The following CDC14A variants were observed in gnomAD, a reference collection of about 807,000 sequenced individuals.
CDC14A encodes dual specificity protein phosphatase CDC14A.
Under a neutral mutation model 74.4 loss-of-function variants are expected in CDC14A, and 53 were observed. The observed-to-expected ratio is 0.71, with a 90% CI of 0.57 to 0.89. CDC14A has a LOEUF of 0.89. Among genes scored for constraint, CDC14A ranks in the 40% least tolerant of loss-of-function variants. The pLI, the probability that CDC14A is intolerant of heterozygous loss-of-function variation, is 0.00. For missense variants in CDC14A, 646 were observed against 713.7 expected (o/e 0.91, Z 1.08); for synonymous variants, 247 against 258.4 (o/e 0.96, Z 0.43).
intron 10 of CDC14A, among the ~76,000 whole-genome samples, chr1:100,475,743 G>GT (rs988388971): frequency 2.6e-5 from 4 of 152,132 alleles, no homozygotes; most frequent in African/African-American, 9.7e-5. Flanking sequence ...ACTGAAGGGT[G>GT]TTGGTGAAAG....
At chr1:100,496,694 G>A (rs1031877475) in intron 13 of CDC14A, among the ~76,000 whole-genome samples, 2 of 152,188 alleles carry the variant, frequency 1.3e-5, no homozygotes, top group African/African-American at 4.8e-5. Flanking sequence ...GAGGGCTTAA[G>A]CATCTGGAGC....
At chr1:100,482,828 A>C (rs1038098316) in intron 10 of CDC14A, among the ~76,000 whole-genome samples, 1 of 151,862 alleles carries the variant, frequency 6.6e-6, no homozygotes, top group South Asian at 2.1e-4. Context: ...ATAGATATCT[A>C]TATATATATT....
At position 100,412,145 on chromosome 1, in the gene CDC14A, T is replaced by C. The variant is rs542585324; in HGVS notation, c.310-12077T>C. Among the ~76,000 whole-genome samples, 6 of 152,304 alleles carry C rather than the reference T, an allele frequency of 3.9e-5. No homozygotes were observed. In the East Asian group the frequency reaches 9.7e-4, roughly 25 times the overall value. The stretch of plus-strand genomic sequence containing the variant: ...CTGTGGGTCTCTTAGGGAGCTGAAA[T>C]GACCTGACGTACACTTAAAAACACT... On this transcript the variant is annotated intron_variant, in intron 4 of 15. Transcript: ENST00000336454.
chr1:100,396,224 C>G (rs1658455804), intron 4 of CDC14A, among the ~76,000 whole-genome samples: 1 of 152,112 alleles, frequency 6.6e-6, no homozygotes, highest in Non-Finnish European at 1.5e-5. Context: ...TTTGCTGAAT[C>G]TTGGGGAAGT....
intron 4 of CDC14A, among the ~76,000 whole-genome samples, chr1:100,395,217 T>TCCTTA (rs956086969): frequency 3.3e-5 from 5 of 152,214 alleles, no homozygotes; most frequent in Non-Finnish European, 5.9e-5. Flanking sequence ...TACCTGAGTT[T>TCCTTA]CCTTATCTGC....
chr1:100,392,381 G>A (rs1041087691), intron 4 of CDC14A, among the ~76,000 whole-genome samples: 2 of 151,962 alleles, frequency 1.3e-5, no homozygotes, highest in African/African-American at 4.8e-5. Context: ...TGCTTTGTAA[G>A]CGTGTTATTT....
chr1:100,479,154 T>C (rs778893348), intron 10 of CDC14A, among the ~76,000 whole-genome samples: 1 of 152,204 alleles, frequency 6.6e-6, no homozygotes, highest in Non-Finnish European at 1.5e-5. Context: ...ATTTCAGGAA[T>C]TAGCAAAAAT....
At chr1:100,434,822 A>G (rs1664133114) in intron 5 of CDC14A, among the ~76,000 whole-genome samples, 1 of 152,154 alleles carries the variant, frequency 6.6e-6, no homozygotes, top group Admixed American at 6.5e-5. Flanking sequence ...CGGAAATGCC[A>G]TGTAGGTGGT....
At chr1:100,394,942 T>G (rs1456008047) in intron 4 of CDC14A, among the ~76,000 whole-genome samples, 1 of 152,264 alleles carries the variant, frequency 6.6e-6, no homozygotes, top group Non-Finnish European at 1.5e-5. Flanking sequence ...TGTTGCTAGT[T>G]GGATAAGTGT....
At chr1:100,393,584 G>T (rs1395940989) in intron 4 of CDC14A, 7 of 715,476 alleles carry the variant, frequency 9.8e-6, no homozygotes, top group Non-Finnish European at 1.8e-5. Context: ...GTTGGTATCT[G>T]CGAGTTTACT....
At chr1:100,379,268 A>G (rs1034916672) in intron 3 of CDC14A, among the ~76,000 whole-genome samples, 1 of 152,206 alleles carries the variant, frequency 6.6e-6, no homozygotes, top group Non-Finnish European at 1.5e-5. Flanking sequence ...AAGTATATGT[A>G]TGTAAACTTG....
At chr1:100,427,965 G>C (rs1483505754) in intron 5 of CDC14A, among the ~76,000 whole-genome samples, 1 of 152,132 alleles carries the variant, frequency 6.6e-6, no homozygotes, top group Non-Finnish European at 1.5e-5. Context: ...GAAAACTGGA[G>C]AACAGCAATT....
chr1:100,502,000 G>A (rs1378249762), intron 15 of CDC14A, among the ~76,000 whole-genome samples: 1 of 152,132 alleles, frequency 6.6e-6, no homozygotes, highest in African/African-American at 2.4e-5. Flanking sequence ...TCAAGTGATT[G>A]GGAGTTGATA....
At chr1:100,355,357 G>A (rs1651739712) in intron 2 of CDC14A, among the ~76,000 whole-genome samples, 1 of 152,184 alleles carries the variant, frequency 6.6e-6, no homozygotes, top group African/African-American at 2.4e-5. Context: ...TCTAGCCATG[G>A]AGATCTGAGT....
At chr1:100,443,195 A>G (rs1311025827) in intron 7 of CDC14A, 199 bp downstream of exon 7, 9 of 507,436 alleles carry the variant, frequency 1.8e-5, no homozygotes, top group Non-Finnish European at 2.1e-5. Flanking sequence ...TGGAAAAACA[A>G]CATATCTATA....
chr1:100,364,491 C>CA (rs1364421824), intron 2 of CDC14A, among the ~76,000 whole-genome samples: 1 of 139,636 alleles, frequency 7.2e-6, no homozygotes, highest in Non-Finnish European at 1.5e-5. Flanking sequence ...GGATTACAGG[C>CA]GGAGCCGTTG....
intron 10 of CDC14A, chr1:100,480,891 C>G (rs579933): frequency 0.85 from 129,836 of 152,124 alleles, 58,782 homozygotes; most frequent in Non-Finnish European, 1. Context: ...TCAGTTTTTT[C>G]CTTCTAGCTT....
upstream of CDC14A, among the ~76,000 whole-genome samples, chr1:100,348,472 C>A (rs1307690193): frequency 3.3e-5 from 5 of 152,028 alleles, no homozygotes; most frequent in Non-Finnish European, 7.4e-5. Flanking sequence ...TTGCTCTCAT[C>A]TGAATCTTCC....
At chr1:100,481,848 A>G (rs1347184033) in intron 10 of CDC14A, among the ~76,000 whole-genome samples, 3 of 152,244 alleles carry the variant, frequency 2.0e-5, no homozygotes, top group African/African-American at 7.2e-5. Flanking sequence ...ATTTTTAAAT[A>G]CTAAATGCTT....
Sources: allele counts gnomAD v4.1 joint callset (sites outside exome capture counted in the v4.1 genomes callset), GRCh38; gene constraint gnomAD v4.1.1; transcripts MANE v1.5; gene names NCBI Gene and HGNC (gene_info 2026-07-23, HGNC 2026-07-21).